Variants in MAST2 observed in about 807,000 individuals in gnomAD.
MAST2 encodes the protein microtubule-associated serine/threonine-protein kinase 2.
MAST2 carries 70 observed loss-of-function variants against 147.4 expected under a neutral mutation model. That is an observed-to-expected ratio of 0.47 (90% confidence interval 0.39 to 0.58). The LOEUF is 0.58. MAST2 is among the 20% of genes least tolerant of loss of function. The pLI is 0.00. For missense variants in MAST2, 2,080 were observed against 2,302.3 expected, an observed-to-expected ratio of 0.90 and a Z score of 1.98; for synonymous variants, 869 against 896.8, an observed-to-expected ratio of 0.97 and a Z score of 0.55.
intron 1 of MAST2, among the ~76,000 whole-genome samples, chr1:45,810,949 T>G (rs1164204198): frequency 1.4e-5 from 2 of 145,410 alleles, no homozygotes; most frequent in Middle Eastern, 4.0e-3. Flanking sequence ...ACCTCCCAGG[T>G]TCAAGCTATT....
At chr1:45,870,812 C>G (rs1370729272) in intron 3 of MAST2, among the ~76,000 whole-genome samples, 1 of 151,628 alleles carries the variant, frequency 6.6e-6, no homozygotes, top group East Asian at 1.9e-4. Flanking sequence ...ACCTGTAGTT[C>G]CAGCTATTTG....
At chr1:45,985,933 T>G (rs1468859402) in intron 5 of MAST2, among the ~76,000 whole-genome samples, 1 of 152,256 alleles carries the variant, frequency 6.6e-6, no homozygotes, top group Non-Finnish European at 1.5e-5. Flanking sequence ...TGTATATTGA[T>G]CTTTTATCCT....
In MAST2 at chr1:46,023,043, T is replaced by A; in HGVS notation, c.1485+72T>A. On this transcript the variant is annotated intron_variant, in intron 13 of 28. Transcript: ENST00000361297. This position sits in a 1 kb window ranked among gnomAD's most constrained non-coding sequence, Gnocchi z 4.9. ...GAAGCAAAGAGCTATGAATTCTCTT[T>A]AAGAGAATATCTGAGGAAGGGATGG... 7.7e-6 allele frequency: 11 copies of A among 1,423,542 alleles called. No individual in the cohort carries two copies. The highest frequency in any genetic ancestry group is 2.3e-5 in the East Asian group (1 of 43,972). The allele number at this position is 1,423,542 out of a possible 1,614,324, so 88.2% of individuals were successfully genotyped here.
At chr1:45,849,796 G>A (rs1158693428) in intron 3 of MAST2, among the ~76,000 whole-genome samples, 1 of 152,198 alleles carries the variant, frequency 6.6e-6, no homozygotes, top group Non-Finnish European at 1.5e-5. Context: ...AAAGTGCTGG[G>A]ATTACAGGCG....
intron 5 of MAST2, among the ~76,000 whole-genome samples, chr1:45,977,765 A>G (rs181146089): frequency 1.8e-4 from 27 of 146,330 alleles, no homozygotes; most frequent in African/African-American, 6.4e-4. Context: ...GCGCCACTAC[A>G]CTCTAGCCTG....
intron 9 of MAST2, among the ~76,000 whole-genome samples, chr1:46,009,837 C>T (rs1645641206): frequency 6.6e-6 from 1 of 152,130 alleles, no homozygotes; most frequent in South Asian, 2.1e-4. Context: ...ATACATTTGC[C>T]TAAACACACA....
At chr1:45,899,281 G>A (rs2148468143) in intron 4 of MAST2, among the ~76,000 whole-genome samples, 1 of 145,018 alleles carries the variant, frequency 6.9e-6, no homozygotes, top group Non-Finnish European at 1.5e-5. Context: ...AATTAGAATT[G>A]GCCAAAAATA....
At chr1:45,924,300 C>T (rs943315618) in intron 4 of MAST2, among the ~76,000 whole-genome samples, 7 of 152,154 alleles carry the variant, frequency 4.6e-5, no homozygotes, top group South Asian at 4.1e-4. Context: ...TTAGTGAAAA[C>T]GGTGATGAAC....
intron 1 of MAST2, among the ~76,000 whole-genome samples, chr1:45,823,212 T>C (rs1017708826): frequency 6.6e-6 from 1 of 151,948 alleles, no homozygotes. Flanking sequence ...TCTTTTTTTT[T>C]TTTTTAATCT....
intron 4 of MAST2, among the ~76,000 whole-genome samples, chr1:45,905,837 A>T (rs892843521): frequency 6.6e-6 from 1 of 152,146 alleles, no homozygotes; most frequent in East Asian, 1.9e-4. Context: ...TCAAATGGTA[A>T]CTGGTAAGTG....
At chr1:45,869,935 G>T (rs1462997972) in intron 3 of MAST2, among the ~76,000 whole-genome samples, 1 of 151,842 alleles carries the variant, frequency 6.6e-6, no homozygotes, top group Non-Finnish European at 1.5e-5. Context: ...TTGTTTGTTT[G>T]TTTTTGAGAC....
intron 5 of MAST2, among the ~76,000 whole-genome samples, chr1:45,961,397 C>T (rs1488640245): frequency 1.3e-5 from 2 of 152,186 alleles, no homozygotes; most frequent in Non-Finnish European, 2.9e-5. Flanking sequence ...AATGTGAGTA[C>T]TGAGCAGTAG....
Position 46,022,671 on chromosome 1 carries a change from C to T in MAST2, c.1424-239C>T, listed in dbSNP as rs192389580. Among the ~76,000 whole-genome samples the T allele has an allele frequency of 4.6e-5, 7 of 152,270 alleles. No homozygotes were observed. The East Asian group carries it at 1.4e-3, about 29-fold the overall frequency. ...AAATGTCCCCAGTTTATAGAATTTG[C>T]CAGGCCCTGTGAATGGCAATGGACT... is the stretch of plus-strand genomic sequence containing the variant. On this transcript the variant is annotated intron_variant, in intron 12 of 28. Coordinates refer to ENST00000361297, the MANE Select transcript of MAST2 (RefSeq NM_015112.3).
At chr1:45,926,901 A>C (rs1048419293) in intron 4 of MAST2, among the ~76,000 whole-genome samples, 2 of 152,192 alleles carry the variant, frequency 1.3e-5, no homozygotes, top group South Asian at 2.1e-4. Flanking sequence ...CTAGATGCCA[A>C]ATGGTTGCTC....
At chr1:45,866,030 A>G in intron 3 of MAST2, among the ~76,000 whole-genome samples, 1 of 152,290 alleles carries the variant, frequency 6.6e-6, no homozygotes, top group Non-Finnish European at 1.5e-5. Context: ...CTTTTTTTGT[A>G]CAAAATACCT....
At chr1:45,810,735 C>T (rs1347521732) in intron 1 of MAST2, among the ~76,000 whole-genome samples, 4 of 136,304 alleles carry the variant, frequency 2.9e-5, no homozygotes, top group East Asian at 4.8e-4. Context: ...TGCTTGAACC[C>T]GGGAGGTGGA....
At chr1:45,995,843 C>T (rs1192211187) in intron 5 of MAST2, among the ~76,000 whole-genome samples, 1 of 152,208 alleles carries the variant, frequency 6.6e-6, no homozygotes, top group Non-Finnish European at 1.5e-5. Context: ...GGGATACCTG[C>T]TCCTCAGCTG....
intron 4 of MAST2, among the ~76,000 whole-genome samples, chr1:45,893,108 A>G (rs1217790848): frequency 6.6e-6 from 1 of 152,172 alleles, no homozygotes; most frequent in Non-Finnish European, 1.5e-5. Flanking sequence ...CTATACATCT[A>G]TATTTTTATA....
At chr1:45,898,971 C>G (rs1649244073) in intron 4 of MAST2, among the ~76,000 whole-genome samples, 1 of 152,150 alleles carries the variant, frequency 6.6e-6, no homozygotes, top group Non-Finnish European at 1.5e-5. Context: ...TTTCCATTGT[C>G]CTCTCACCTG....
Sources: gnomAD v4.1 joint callset for allele counts (sites outside exome capture counted in the v4.1 genomes callset) on GRCh38, gnomAD v4.1.1 for gene constraint, Gnocchi (gnomAD v3.1) non-coding constraint, MANE v1.5 for transcripts, NCBI Gene and HGNC (gene_info 2026-07-23, HGNC 2026-07-21) for gene names.